ZPLD1: variants seen among roughly 807,000 people sequenced by gnomAD.
The protein encoded by ZPLD1 is zona pellucida like domain containing 1.
ZPLD1 carries 34 observed loss-of-function variants against 47.2 expected under a neutral mutation model. The ratio of observed to expected loss-of-function variants is 0.72; its 90% CI spans 0.55 to 0.96. The LOEUF (loss-of-function observed/expected upper bound fraction) is 0.96, where lower values mean the gene tolerates loss of function less well. Ranked by LOEUF, ZPLD1 falls within the 40% of genes least tolerant of loss-of-function variation. The probability of loss-of-function intolerance (pLI) is 0.00; values close to 1 mark genes in which losing one functional copy is unlikely to be tolerated. For missense variants in ZPLD1, 512 were observed against 505.8 expected, an observed-to-expected ratio of 1.01 and a Z score of -0.12; for synonymous variants, 176 against 186.2, an observed-to-expected ratio of 0.95 and a Z score of 0.45.
At chr3:102,395,249 AAT>A (rs575438346) in intron 7 of ZPLD1, among the ~76,000 whole-genome samples, 4 of 151,638 alleles carry the variant, frequency 2.6e-5, no homozygotes, top group Non-Finnish European at 4.4e-5. Flanking sequence ...TTACTTACCA[AAT>A]ATATATATAT....
rs76616234 is a variant in ZPLD1, at chr3:102,399,514, G to A, written c.-157+7289G>A. 9.2e-3 allele frequency among the ~76,000 whole-genome samples: 1,392 copies of A among 151,892 alleles called. 22 individuals carry two copies. Among genetic ancestry groups the A allele is most frequent in the African/African-American group, 0.032 (1,332 of 41,444 alleles). ...GATTCCTTCTCATCATGTAGATATC[G>A]GCTCCTAGTTTGCTAGTTCTCGGTC... On this transcript the variant is annotated intron_variant, in intron 7 of 17. Coordinates refer to the ZPLD1 transcript ENST00000491959.
chr3:102,388,010 G>A (rs774736820), intron 6 of ZPLD1, among the ~76,000 whole-genome samples: 4 of 151,788 alleles, frequency 2.6e-5, no homozygotes, highest in African/African-American at 4.8e-5. Context: ...ACAGGCGCCC[G>A]CCACCACGCC....
At chr3:102,403,558 A>T (rs1466455986) in intron 7 of ZPLD1, among the ~76,000 whole-genome samples, 1 of 151,998 alleles carries the variant, frequency 6.6e-6, no homozygotes, top group Admixed American at 6.6e-5. Context: ...GCTTTTACCT[A>T]AGTGAGAAAA....
chr3:102,406,929 A>G (rs910628277), intron 7 of ZPLD1, among the ~76,000 whole-genome samples: 1 of 151,834 alleles, frequency 6.6e-6, no homozygotes, highest in Non-Finnish European at 1.5e-5. Context: ...TATCAGAAGT[A>G]AGAGCTCAAT....
At chr3:102,454,081 A>AT (rs1454925773) in intron 4 of ZPLD1, among the ~76,000 whole-genome samples, 1 of 152,206 alleles carries the variant, frequency 6.6e-6, no homozygotes, top group Non-Finnish European at 1.5e-5. Context: ...ACAAATTATT[A>AT]TTTTGTATTA....
chr3:102,403,573 A>T (rs1004553750), intron 7 of ZPLD1, among the ~76,000 whole-genome samples: 6 of 151,940 alleles, frequency 3.9e-5, no homozygotes, highest in Non-Finnish European at 8.8e-5. Context: ...AGAAAATATT[A>T]ATTTTTCCTT....
rs563773012 is a variant in ZPLD1 at position 102,459,696 on chromosome 3, T to C, written c.582+1843T>C. Among the ~76,000 whole-genome samples, 4 of 152,280 alleles carry C rather than the reference T, an allele frequency of 2.6e-5. No individual in the cohort carries two copies. The South Asian group carries it at 8.3e-4, about 32-fold the overall frequency. On this transcript the variant is annotated intron_variant, in intron 6 of 11. Transcript: ENST00000466937. ...AATACTTCTCTTTTTAAATCAGTTATAGAGCAGTTTTAGTTTGGCAGAAAA... is the reference window on the plus strand; with the variant it reads ...AATACTTCTCTTTTTAAATCAGTTACAGAGCAGTTTTAGTTTGGCAGAAAA...
At chr3:102,425,730 T>G (rs1326852553) in intron 8 of ZPLD1, among the ~76,000 whole-genome samples, 1 of 152,082 alleles carries the variant, frequency 6.6e-6, no homozygotes, top group African/African-American at 2.4e-5. Context: ...GTTCATCTCA[T>G]CCGGGACACA....
At chr3:102,449,127 C>A (rs966408723) in intron 3 of ZPLD1, among the ~76,000 whole-genome samples, 39 of 152,202 alleles carry the variant, frequency 2.6e-4, no homozygotes, top group Admixed American at 6.5e-5. Flanking sequence ...TGGCTCCCAG[C>A]CAGCCTGAGC....
chr3:102,458,103 T>C (rs1011686716), intron 6 of ZPLD1, among the ~76,000 whole-genome samples: 2 of 152,226 alleles, frequency 1.3e-5, no homozygotes, highest in African/African-American at 4.8e-5. Flanking sequence ...AATAATTACT[T>C]CAAATGTCTA....
At chr3:102,399,096 C>T (rs192578627) in intron 7 of ZPLD1, among the ~76,000 whole-genome samples, 365 of 152,220 alleles carry the variant, frequency 2.4e-3, no homozygotes, top group Non-Finnish European at 4.1e-3. Context: ...CCATTTACTC[C>T]ACCACATTTG....
intron 10 of ZPLD1, among the ~76,000 whole-genome samples, chr3:102,474,789 A>G (rs1707734173): frequency 6.6e-6 from 1 of 152,122 alleles, no homozygotes; most frequent in African/African-American, 2.4e-5. Flanking sequence ...TTTCAAATAG[A>G]TAAATATACT....
At chr3:102,415,220 A>G (rs1376103590) in intron 7 of ZPLD1, among the ~76,000 whole-genome samples, 1 of 151,852 alleles carries the variant, frequency 6.6e-6, no homozygotes, top group South Asian at 2.1e-4. Flanking sequence ...TAAGTAACTG[A>G]AAAGCCTATA....
intron 6 of ZPLD1, 130 bp from the exon 7 acceptor site, chr3:102,462,151 C>CT (rs1707515329): frequency 5.5e-6 from 3 of 544,454 alleles, no homozygotes; most frequent in Non-Finnish European, 9.5e-6. Flanking sequence ...CACGTAAATC[C>CT]TTTTTGGATT....
intron 7 of ZPLD1, among the ~76,000 whole-genome samples, chr3:102,402,965 C>G (rs1404913031): frequency 1.3e-5 from 2 of 151,858 alleles, no homozygotes; most frequent in African/African-American, 4.8e-5. Context: ...ATAATGTACC[C>G]CTATGCACCC....
intron 6 of ZPLD1, among the ~76,000 whole-genome samples, chr3:102,385,800 T>C (rs1218166680): frequency 6.6e-6 from 1 of 152,236 alleles, no homozygotes; most frequent in Non-Finnish European, 1.5e-5. Flanking sequence ...TTAAATTTAT[T>C]AATATAAATT....
chr3:102,463,301 G>A (rs1268232296), intron 7 of ZPLD1, among the ~76,000 whole-genome samples: 1 of 152,146 alleles, frequency 6.6e-6, no homozygotes, highest in Non-Finnish European at 1.5e-5. Flanking sequence ...CACTGATTCT[G>A]ATATACAATT....
chr3:102,476,086 A>C (rs1337562940), intron 10 of ZPLD1, among the ~76,000 whole-genome samples: 3 of 152,188 alleles, frequency 2.0e-5, no homozygotes. Context: ...AATAATATCC[A>C]AACCATATGG....
intron 5 of ZPLD1, 80 bp from the exon 6 acceptor site, chr3:102,457,701 A>G (rs1030412876): frequency 8.0e-7 from 1 of 1,244,598 alleles, no homozygotes; most frequent in Non-Finnish European, 1.2e-6. Context: ...CAGGAGTTTT[A>G]GTGCTTTAAG....
Sources: allele counts gnomAD v4.1 joint callset (sites outside exome capture counted in the v4.1 genomes callset), GRCh38; gene constraint gnomAD v4.1.1; transcripts MANE v1.5; gene names NCBI Gene and HGNC (gene_info 2026-07-23, HGNC 2026-07-21).